ELSPBP1: variants seen among roughly 807,000 people sequenced by gnomAD.
ELSPBP1 encodes epididymal sperm-binding protein 1.
A neutral mutation model predicts 33.3 loss-of-function variants in ELSPBP1; 38 were observed. The observed-to-expected ratio is 1.14, with a 90% confidence interval of 0.88 to 1.50. ELSPBP1 has a LOEUF of 1.50. Among genes scored for constraint, ELSPBP1 ranks in the 40% most tolerant of loss-of-function variants. ELSPBP1 has a pLI of 0.00. For missense variants in ELSPBP1, 267 were observed against 263.5 expected, an observed-to-expected ratio of 1.01 and a Z score of -0.09; for synonymous variants, 85 against 94.1, an observed-to-expected ratio of 0.90 and a Z score of 0.56.
At chr19:47,998,557 C>G (rs1386349473) in intron 1 of ELSPBP1, among the ~76,000 whole-genome samples, 4 of 151,932 alleles carry the variant, frequency 2.6e-5, no homozygotes, top group Non-Finnish European at 4.4e-5. Flanking sequence ...GAGGCCGAGG[C>G]GGGCGGATCA....
At chr19:48,005,364 G>A (rs1967007249) in intron 1 of ELSPBP1, among the ~76,000 whole-genome samples, 1 of 152,134 alleles carries the variant, frequency 6.6e-6, no homozygotes, top group Non-Finnish European at 1.5e-5. Flanking sequence ...TTTAACAGCA[G>A]AGGCAGGAAA....
intron 1 of ELSPBP1, among the ~76,000 whole-genome samples, chr19:48,003,967 A>G (rs1966993312): frequency 7.6e-6 from 1 of 132,228 alleles, no homozygotes; most frequent in Non-Finnish European, 1.6e-5. Context: ...TTCTTTTGAG[A>G]CAGTCTTCCT....
chr19:48,012,856 G>T (rs1600107629), intron 2 of ELSPBP1, among the ~76,000 whole-genome samples: 1 of 152,078 alleles, frequency 6.6e-6, no homozygotes. Context: ...ATATAAAAAA[G>T]CACTACCACT....
intron 1 of ELSPBP1, among the ~76,000 whole-genome samples, chr19:47,999,390 T>TTC (rs1555733873): frequency 1.4e-5 from 2 of 144,882 alleles, no homozygotes; most frequent in South Asian, 4.4e-4. Flanking sequence ...CTCATTTCTT[T>TTC]TTTTTTTTTT....
chr19:48,024,837 C>G (rs1488452946), intron 6 of ELSPBP1, 115 bp from the exon 7 acceptor site: 1 of 152,274 alleles, frequency 6.6e-6, no homozygotes, highest in Non-Finnish European at 1.5e-5. Context: ...CCTCTCAGCT[C>G]AGCTGCTTCC....
At chr19:48,024,007 A>G (rs1370780385) in intron 6 of ELSPBP1, among the ~76,000 whole-genome samples, 1 of 149,190 alleles carries the variant, frequency 6.7e-6, no homozygotes, top group Non-Finnish European at 1.5e-5. Context: ...AGTAGCTGGG[A>G]TTACAGGGGT....
chr19:48,003,734 T>A (rs1337686208), intron 1 of ELSPBP1, among the ~76,000 whole-genome samples: 1 of 146,724 alleles, frequency 6.8e-6, no homozygotes, highest in African/African-American at 2.5e-5. Flanking sequence ...TTAGTAGAGA[T>A]GGAGTTTCAC....
Position 47,999,913 on chromosome 19 carries a change from C to G in ELSPBP1, c.-18+5102C>G, listed in dbSNP as rs564400451. Among the ~76,000 whole-genome samples, 13 of 151,858 alleles carry G rather than the reference C, an allele frequency of 8.6e-5. No individual in the cohort carries two copies. In the East Asian group the frequency reaches 2.3e-3, roughly 27 times the overall value. The stretch of plus-strand genomic sequence containing the variant: ...TCATAGCTCACTGCAGCCTCAATAT[C>G]CTGGGCTCAAGTGATCCTTCCCCCT... On this transcript the variant is annotated intron_variant, in intron 1 of 6. Coordinates refer to ENST00000339841, the MANE Select transcript of ELSPBP1 (RefSeq NM_022142.5).
intron 2 of ELSPBP1, 131 bp from the exon 3 acceptor site, chr19:48,014,040 A>T: frequency 9.5e-7 from 1 of 1,058,100 alleles, no homozygotes; most frequent in South Asian, 1.5e-5. Flanking sequence ...GGATTTTAAC[A>T]TATGAATTTT....
chr19:48,009,742 A>G (rs780853176), intron 2 of ELSPBP1, among the ~76,000 whole-genome samples: 38 of 152,286 alleles, frequency 2.5e-4, no homozygotes, highest in Middle Eastern at 3.4e-3. Flanking sequence ...GAGAATAGCT[A>G]TTGTAACAAA....
In ELSPBP1 at chr19:48,015,983, G is replaced by C. The variant is rs1482870798; in HGVS notation, c.299G>C (p.Cys100Ser). The C allele has an allele frequency of 6.2e-7, 1 of 1,613,932 alleles. No homozygotes were observed. Among genetic ancestry groups the C allele is most frequent in the African/African-American group, 1.3e-5 (1 of 74,934 alleles). The part of the protein sequence containing the change: ...SQGSFLGSLW[C>S]SVTSVFDEKQ... Reference sequence around the variant, plus strand: ...GGCAGCTTCTTAGGCAGTCTGTGGTGCTCAGTCACCTCTGTCTTCGATGAG... The same window carrying C: ...GGCAGCTTCTTAGGCAGTCTGTGGTCCTCAGTCACCTCTGTCTTCGATGAG... Residue 100 changes from cysteine to serine, a missense_variant, in exon 4 of 7, where the codon TGC becomes TCC. Cys to Ser is a moderately radical substitution (Grantham distance 112). Coordinates refer to ENST00000339841, the MANE Select transcript of ELSPBP1 (RefSeq NM_022142.5).
At chr19:48,006,582 C>G (rs1396014568) in intron 1 of ELSPBP1, among the ~76,000 whole-genome samples, 3 of 118,456 alleles carry the variant, frequency 2.5e-5, no homozygotes, top group African/African-American at 1.0e-4. Flanking sequence ...CCACTGCACT[C>G]CAGTCTGGGC....
At chr19:47,999,186 T>A (rs1357808179) in intron 1 of ELSPBP1, among the ~76,000 whole-genome samples, 3 of 152,174 alleles carry the variant, frequency 2.0e-5, no homozygotes, top group Non-Finnish European at 4.4e-5. Flanking sequence ...TTCCCCTGTT[T>A]ATTATTTTTT....
intron 1 of ELSPBP1, among the ~76,000 whole-genome samples, chr19:47,997,032 C>T (rs1966918260): frequency 6.6e-6 from 1 of 152,074 alleles, no homozygotes; most frequent in Non-Finnish European, 1.5e-5. Context: ...ATTAGCATCC[C>T]CATTTTATAG....
intron 4 of ELSPBP1, among the ~76,000 whole-genome samples, chr19:48,019,267 A>G (rs573348364): frequency 6.6e-6 from 1 of 152,258 alleles, no homozygotes; most frequent in South Asian, 2.1e-4. Flanking sequence ...TGGATTGTGT[A>G]AGGATCATGA....
At chr19:47,995,162 G>A (rs948576059) in intron 1 of ELSPBP1, among the ~76,000 whole-genome samples, 1 of 152,158 alleles carries the variant, frequency 6.6e-6, no homozygotes, top group African/African-American at 2.4e-5. Context: ...CCCATTTCAA[G>A]TGCTCAAGAA....
chr19:48,002,906 A>C (rs146191054), intron 1 of ELSPBP1, among the ~76,000 whole-genome samples: 1 of 152,230 alleles, frequency 6.6e-6, no homozygotes, highest in Non-Finnish European at 1.5e-5. Context: ...TGCTGCATGT[A>C]TAAGATCCCA....
At chr19:47,998,202 T>C (rs1423564182) in intron 1 of ELSPBP1, among the ~76,000 whole-genome samples, 1 of 151,420 alleles carries the variant, frequency 6.6e-6, no homozygotes, top group Non-Finnish European at 1.5e-5. Context: ...TCATGAGGTC[T>C]GGAGTTCAAG....
At chr19:48,007,583 G>A (rs901354865) in intron 1 of ELSPBP1, among the ~76,000 whole-genome samples, 4 of 152,128 alleles carry the variant, frequency 2.6e-5, no homozygotes, top group Admixed American at 6.6e-5. Flanking sequence ...AGAATGGCAT[G>A]GTCATCTGTC....
Sources: gnomAD v4.1 joint callset for allele counts (sites outside exome capture counted in the v4.1 genomes callset) on GRCh38, gnomAD v4.1.1 for gene constraint, MANE v1.5 for transcripts, NCBI Gene and HGNC (gene_info 2026-07-23, HGNC 2026-07-21) for gene names.